The following MBOAT2 variants were observed in gnomAD, a reference collection of about 807,000 sequenced individuals.
The protein encoded by MBOAT2 is membrane-bound glycerophospholipid O-acyltransferase 2.
In MBOAT2, 28 loss-of-function variants were observed where a neutral mutation model predicts 63.4. The observed-to-expected ratio is 0.44, with a 90% CI of 0.33 to 0.61. MBOAT2 has a LOEUF of 0.61. Among genes scored for constraint, MBOAT2 ranks in the 20% least tolerant of loss-of-function variants. The pLI is 0.03. For synonymous variants in MBOAT2, 211 were observed against 215.6 expected (o/e 0.98, Z 0.19); for missense variants, 470 against 605.8 (o/e 0.78, Z 2.35).
At chr2:8,995,787 T>G (rs1319567483) in intron 1 of MBOAT2, among the ~76,000 whole-genome samples, 1 of 152,142 alleles carries the variant, frequency 6.6e-6, no homozygotes, top group Non-Finnish European at 1.5e-5. Flanking sequence ...GAGACGGGGT[T>G]TCACCGTGTT....
In MBOAT2 at chr2:9,003,637, C is replaced by A; in HGVS notation, c.-23G>T. On this transcript the variant is annotated 5_prime_UTR_variant, in exon 1 of 13. Coordinates refer to ENST00000305997, the MANE Select transcript of MBOAT2 (RefSeq NM_138799.4). The surrounding 1 kb of genome is among the most constrained non-coding windows in gnomAD (Gnocchi z 5.4). ...CATGGCCGGGCCTCGGCGCTCCGGCCGCCCGCGCCGCTCGCCCGCTCGCGC... is the reference window on the plus strand; with the variant it reads ...CATGGCCGGGCCTCGGCGCTCCGGCAGCCCGCGCCGCTCGCCCGCTCGCGC... 8.7e-7 allele frequency: 1 copy of A among 1,152,106 alleles called. No homozygotes were observed. 71.4% of individuals were successfully genotyped at this position (1,152,106 alleles called of 1,614,324 possible). A position where few individuals can be genotyped will look rare whatever the true frequency, so the allele number is the denominator to read the frequency against.
intron 12 of MBOAT2, among the ~76,000 whole-genome samples, chr2:8,859,519 T>C (rs543095519): frequency 9.2e-5 from 14 of 152,336 alleles, no homozygotes; most frequent in African/African-American, 2.9e-4. Flanking sequence ...GTTCCTGGGA[T>C]AGAAAATCTA....
At chr2:8,927,910 T>C (rs1293318636) in intron 3 of MBOAT2, among the ~76,000 whole-genome samples, 2 of 152,144 alleles carry the variant, frequency 1.3e-5, no homozygotes, top group African/African-American at 4.8e-5. Context: ...TGGCTCACAG[T>C]TCTGCAGCCT....
At chr2:8,923,080 C>A (rs1666695294) in intron 3 of MBOAT2, among the ~76,000 whole-genome samples, 1 of 152,236 alleles carries the variant, frequency 6.6e-6, no homozygotes, top group Admixed American at 6.5e-5. Flanking sequence ...ATAGTCCTTT[C>A]TTGAACTGAT....
At chr2:8,904,119 G>A (rs1422667840) in intron 4 of MBOAT2, among the ~76,000 whole-genome samples, 1 of 151,992 alleles carries the variant, frequency 6.6e-6, no homozygotes, top group Non-Finnish European at 1.5e-5. Context: ...TGTGATTACA[G>A]TTGTGCGCCA....
At chr2:8,902,438 G>C (rs1164831687) in intron 4 of MBOAT2, among the ~76,000 whole-genome samples, 2 of 152,184 alleles carry the variant, frequency 1.3e-5, no homozygotes, top group Non-Finnish European at 2.9e-5. Flanking sequence ...CTTAAAGATG[G>C]TGTGTCCGGA....
At chr2:8,889,291 G>A (rs1281132632) in intron 4 of MBOAT2, among the ~76,000 whole-genome samples, 1 of 152,256 alleles carries the variant, frequency 6.6e-6, no homozygotes, top group Non-Finnish European at 1.5e-5. Flanking sequence ...ACGGCAGCAA[G>A]GGTTTGCTTT....
chr2:8,862,152 G>T lies in MBOAT2; in HGVS notation c.1185+438C>A, dbSNP rs761197186. On this transcript the variant is annotated intron_variant, in intron 11 of 12. Transcript: ENST00000305997. This position sits in a 1 kb window ranked among gnomAD's most constrained non-coding sequence, Gnocchi z 4.3. ...GTTCTGTCTAGGCAAATACTCTAAA[G>T]AACTGTGTCCTCTTCCAGTGTGGCT... 2 of 405,766 alleles carry T rather than the reference G, an allele frequency of 4.9e-6. No homozygotes were observed. The highest frequency in any genetic ancestry group is 8.3e-6 in the Non-Finnish European group (2 of 241,932). 25.1% of individuals were successfully genotyped at this position (405,766 alleles called of 1,614,324 possible).
In MBOAT2 at chr2:8,866,067, A is replaced by G. The variant is rs1030703712; in HGVS notation, c.988-1833T>C. Among the ~76,000 whole-genome samples, 5 of 151,982 alleles carry G rather than the reference A, an allele frequency of 3.3e-5. 1 individual carries two copies. Among genetic ancestry groups the G allele is most frequent in the Non-Finnish European group, 5.9e-5 (4 of 68,012 alleles). ...AATAAATAAATAAATAAATAAAACC[A>G]TAAATGATAAAGGCATTTATGTCCT... is the stretch of plus-strand genomic sequence containing the variant. On this transcript the variant is annotated intron_variant, in intron 9 of 12. Coordinates refer to ENST00000305997, the MANE Select transcript of MBOAT2 (RefSeq NM_138799.4).
At chr2:8,859,828 C>T (rs1661364633) in intron 12 of MBOAT2, among the ~76,000 whole-genome samples, 1 of 152,092 alleles carries the variant, frequency 6.6e-6, no homozygotes. Flanking sequence ...CTATAATATA[C>T]AGATCACCAC....
intron 3 of MBOAT2, among the ~76,000 whole-genome samples, chr2:8,923,870 G>T (rs1386150670): frequency 6.6e-6 from 1 of 152,156 alleles, no homozygotes; most frequent in Admixed American, 6.5e-5. Context: ...TCAGGGGGAA[G>T]AACATTCACT....
intron 7 of MBOAT2, among the ~76,000 whole-genome samples, chr2:8,874,979 C>CT (rs1662599580): frequency 6.6e-6 from 1 of 152,194 alleles, no homozygotes; most frequent in African/African-American, 2.4e-5. Context: ...CAATGCACTG[C>CT]TTACAGGTGA....
intron 6 of MBOAT2, 50 bp from the exon 7 acceptor site, chr2:8,877,263 C>A: frequency 1.3e-6 from 2 of 1,529,768 alleles, no homozygotes; most frequent in Non-Finnish European, 8.9e-7. Flanking sequence ...AGCTTCAGAA[C>A]ATCTGATAGA....
intron 1 of MBOAT2, among the ~76,000 whole-genome samples, chr2:8,985,652 C>T (rs1186312801): frequency 1.3e-5 from 2 of 152,148 alleles, no homozygotes; most frequent in East Asian, 1.9e-4. Flanking sequence ...TCAGTCTTCT[C>T]TTTTTCTCAT....
chr2:8,996,500 C>A (rs534512980), intron 1 of MBOAT2, among the ~76,000 whole-genome samples: 5 of 152,282 alleles, frequency 3.3e-5, no homozygotes, highest in African/African-American at 1.2e-4. Context: ...CTGAAGTAGA[C>A]CCCAGCAGGA....
chr2:8,868,408 A>G (rs748704809), intron 9 of MBOAT2, 38 bp downstream of exon 9: 1 of 1,548,660 alleles, frequency 6.5e-7, no homozygotes, highest in Admixed American at 1.7e-5. Flanking sequence ...TATGGTACTT[A>G]AAGTATATAG....
Position 8,862,650 on chromosome 2 carries a change from T to A in MBOAT2, c.1125A>T (p.Val375=), listed in dbSNP as rs1661577702. The A allele has an allele frequency of 2.5e-6, 4 of 1,614,054 alleles. No homozygotes were observed. Among genetic ancestry groups the A allele is most frequent in the Non-Finnish European group, 2.5e-6 (3 of 1,180,014 alleles). ...GAAACGTTAGATAATATCCTGGGTA[T>A]ACCCCGTGCCAAATGGCAGAGAGAA... ...TFILSAIWHG[V]YPGYYLTFLT... is the part of the protein sequence containing the mutation. Residue 375 remains valine (V), a synonymous_variant, in exon 11 of 13, where the codon GTA becomes GTT. Transcript: ENST00000305997. The surrounding 1 kb of genome is among the most constrained non-coding windows in gnomAD (Gnocchi z 4.3).
At chr2:8,927,534 C>A (rs1667013090) in intron 3 of MBOAT2, among the ~76,000 whole-genome samples, 1 of 152,194 alleles carries the variant, frequency 6.6e-6, no homozygotes, top group Non-Finnish European at 1.5e-5. Flanking sequence ...TTGCGTTTCT[C>A]TCAAACACCG....
intron 3 of MBOAT2, among the ~76,000 whole-genome samples, chr2:8,912,288 G>A (rs1395556448): frequency 3.6e-5 from 3 of 84,410 alleles, no homozygotes; most frequent in Non-Finnish European, 4.9e-5. Context: ...AAAGACAGAA[G>A]GAAAAGAAAG....
Sources: gnomAD v4.1 joint callset for allele counts (sites outside exome capture counted in the v4.1 genomes callset) on GRCh38, gnomAD v4.1.1 for gene constraint, Gnocchi (gnomAD v3.1) non-coding constraint, MANE v1.5 for transcripts, NCBI Gene and HGNC (gene_info 2026-07-23, HGNC 2026-07-21) for gene names.